PHACTR1: variants seen among roughly 807,000 people sequenced by gnomAD.
The protein encoded by PHACTR1 is RPEL repeat containing 1.
PHACTR1 carries 16 observed loss-of-function variants against 69.2 expected under a neutral mutation model. That is an observed-to-expected ratio of 0.23 (90% CI 0.16 to 0.35). The LOEUF is 0.35. PHACTR1 is among the 10% of genes least tolerant of loss of function. PHACTR1 has a pLI of 1.00. For synonymous variants in PHACTR1, 312 were observed against 284.5 expected (o/e 1.10, Z -0.97); for missense variants, 510 against 734.7 (o/e 0.69, Z 3.54).
rs887166567 is a variant in PHACTR1 at position 13,182,442 on chromosome 6, T to G, written c.497-77T>G. 3 of 1,487,062 alleles carry G rather than the reference T, an allele frequency of 2.0e-6. No homozygotes were observed. In the African/African-American group the frequency reaches 4.2e-5, roughly 21 times the overall value. 92.1% of individuals were successfully genotyped at this position (1,487,062 alleles called of 1,614,324 possible). A position where few individuals can be genotyped will look rare whatever the true frequency, so the allele number is the denominator to read the frequency against. ...CTTGATTGTTCAGCAGCATCTAGACTCAGCAGGCGGGAAGTGCCACTCTTT... is the reference window on the plus strand; with the variant it reads ...CTTGATTGTTCAGCAGCATCTAGACGCAGCAGGCGGGAAGTGCCACTCTTT... On this transcript the variant is annotated intron_variant, in intron 6 of 14. Transcript: ENST00000332995.
At chr6:13,218,597 A>G (rs1358923381) in intron 8 of PHACTR1, among the ~76,000 whole-genome samples, 1 of 152,114 alleles carries the variant, frequency 6.6e-6, no homozygotes, top group Admixed American at 6.6e-5. Flanking sequence ...AATCCTAACA[A>G]CTTTGGGAGC....
chr6:13,003,965 G>GTATATATGTA (rs1798444404), intron 4 of PHACTR1, among the ~76,000 whole-genome samples: 1 of 96,308 alleles, frequency 1.0e-5, no homozygotes, highest in Non-Finnish European at 1.9e-5. Flanking sequence ...ATATATATAT[G>GTATATATGTA]TATATATATA....
At chr6:12,823,015 C>T (rs1402176449) in intron 4 of PHACTR1, among the ~76,000 whole-genome samples, 3 of 152,154 alleles carry the variant, frequency 2.0e-5, no homozygotes, top group East Asian at 1.9e-4. Flanking sequence ...AATAGATTTA[C>T]TGAACAATAT....
chr6:13,041,945 C>T (rs936025117), intron 4 of PHACTR1, among the ~76,000 whole-genome samples: 4 of 152,062 alleles, frequency 2.6e-5, no homozygotes, highest in South Asian at 2.1e-4. Context: ...TGGTACAAAA[C>T]GATACTCAAC....
chr6:12,985,050 C>T (rs1324025655), intron 4 of PHACTR1, among the ~76,000 whole-genome samples: 1 of 152,306 alleles, frequency 6.6e-6, no homozygotes, highest in East Asian at 1.9e-4. Context: ...CACAATATTC[C>T]ACTAGTATAT....
intron 4 of PHACTR1, among the ~76,000 whole-genome samples, chr6:12,838,287 C>A (rs1271981874): frequency 6.6e-6 from 1 of 152,160 alleles, no homozygotes; most frequent in East Asian, 1.9e-4. Context: ...CAGAAGCCAA[C>A]CTGGAGCCTG....
chr6:13,054,443 G>T (rs112819879), intron 5 of PHACTR1, among the ~76,000 whole-genome samples: 7,548 of 152,202 alleles, frequency 0.05, 607 homozygotes, highest in African/African-American at 0.17. Flanking sequence ...TGTAGACTGG[G>T]TGGCTTAAAC....
At chr6:13,086,714 A>G (rs1812377107) in intron 5 of PHACTR1, among the ~76,000 whole-genome samples, 5 of 152,152 alleles carry the variant, frequency 3.3e-5, no homozygotes, top group Admixed American at 3.3e-4. Context: ...CCATTTGACC[A>G]GTTGAAAGAC....
rs145741766 is a variant in PHACTR1, at chr6:12,977,429, A to G, written c.251-75936A>G. On this transcript the variant is annotated intron_variant, in intron 4 of 14. Transcript: ENST00000332995. ...ACAACACATTTAAACAAGACATTCA[A>G]CTTGAAAGGACAACTATCTAGGACC... Among the ~76,000 whole-genome samples the G allele has an allele frequency of 7.4e-4, 112 of 151,758 alleles. 1 individual carries two copies. Among genetic ancestry groups the G allele is most frequent in the African/African-American group, 2.6e-3 (107 of 41,400 alleles).
intron 4 of PHACTR1, among the ~76,000 whole-genome samples, chr6:12,948,218 C>T (rs1340435895): frequency 6.6e-6 from 1 of 152,160 alleles, no homozygotes; most frequent in Non-Finnish European, 1.5e-5. Context: ...CAAGTCATGG[C>T]TGGGTGTTGG....
intron 5 of PHACTR1, among the ~76,000 whole-genome samples, chr6:13,121,890 G>A (rs984530359): frequency 6.6e-6 from 1 of 152,176 alleles, no homozygotes; most frequent in Non-Finnish European, 1.5e-5. Flanking sequence ...GGGACTTACT[G>A]AGTTCAGAAA....
Position 12,766,131 on chromosome 6 carries a change from T to C in PHACTR1, c.250+16341T>C, listed in dbSNP as rs558877294. 3.3e-5 allele frequency among the ~76,000 whole-genome samples: 5 copies of C among 152,238 alleles called. No individual in the cohort carries two copies. In the South Asian group the frequency reaches 8.3e-4, roughly 25 times the overall value. ...CCATTTTATATATTTCTGAAAACGA[T>C]ACCTGAACTTTTAAAAATAAACCTT... On this transcript the variant is annotated intron_variant, in intron 4 of 14. Transcript: ENST00000332995.
intron 4 of PHACTR1, chr6:12,958,157 A>G: frequency 1.9e-6 from 1 of 525,864 alleles, no homozygotes; most frequent in South Asian, 8.1e-5. Context: ...TGCCAATATC[A>G]ATAGATTTGG....
chr6:13,123,305 G>C (rs906650166), intron 5 of PHACTR1, among the ~76,000 whole-genome samples: 30 of 152,124 alleles, frequency 2.0e-4, no homozygotes, highest in African/African-American at 7.2e-4. Flanking sequence ...CATTTTAAAG[G>C]TTTTGAGGGA....
intron 4 of PHACTR1, among the ~76,000 whole-genome samples, chr6:12,818,745 T>C (rs1310775993): frequency 6.6e-6 from 1 of 152,218 alleles, no homozygotes; most frequent in Admixed American, 6.5e-5. Context: ...TACAGAGTCA[T>C]CATCTGCATC....
At chr6:13,074,334 T>G (rs1166498098) in intron 5 of PHACTR1, among the ~76,000 whole-genome samples, 1 of 152,220 alleles carries the variant, frequency 6.6e-6, no homozygotes, top group Non-Finnish European at 1.5e-5. Flanking sequence ...CACTTATGAC[T>G]TTGGCAAAGA....
chr6:12,990,416 C>A (rs889224299), intron 4 of PHACTR1, among the ~76,000 whole-genome samples: 2 of 152,124 alleles, frequency 1.3e-5, no homozygotes, highest in Admixed American at 6.5e-5. Context: ...GCTCTGGGAC[C>A]AGCCGACCAC....
intron 5 of PHACTR1, among the ~76,000 whole-genome samples, chr6:13,081,670 T>G (rs969768772): frequency 6.6e-6 from 1 of 151,900 alleles, no homozygotes; most frequent in East Asian, 1.9e-4. Context: ...CAAAAAAAAA[T>G]TAATTAATTA....
intron 5 of PHACTR1, among the ~76,000 whole-genome samples, chr6:13,125,046 A>T (rs1819325405): frequency 6.6e-6 from 1 of 152,230 alleles, no homozygotes. Flanking sequence ...ATAAAGGGGC[A>T]TAGAGGCATG....
Sources: gnomAD v4.1 joint callset for allele counts (sites outside exome capture counted in the v4.1 genomes callset) on GRCh38, gnomAD v4.1.1 for gene constraint, MANE v1.5 for transcripts, NCBI Gene and HGNC (gene_info 2026-07-23, HGNC 2026-07-21) for gene names.